KCMF1: variants seen among roughly 807,000 people sequenced by gnomAD.
KCMF1 encodes the protein potassium channel modulatory factor 1.
In KCMF1, 3 loss-of-function variants were observed where a neutral mutation model predicts 41.1. The ratio of observed to expected loss-of-function variants is 0.07; its 90% CI spans 0.03 to 0.19. The LOEUF is 0.19. Ranked by LOEUF, KCMF1 falls within the 10% of genes least tolerant of loss-of-function variation. The pLI is 1.00. For synonymous variants in KCMF1, 142 were observed against 164.5 expected, an observed-to-expected ratio of 0.86 and a Z score of 1.04; for missense variants, 286 against 488.9, an observed-to-expected ratio of 0.58 and a Z score of 3.91.
At chr2:85,020,796 G>A (rs1173268681) in intron 1 of KCMF1, among the ~76,000 whole-genome samples, 2 of 152,078 alleles carry the variant, frequency 1.3e-5, no homozygotes, top group Non-Finnish European at 2.9e-5. Flanking sequence ...ATCTTTTTTA[G>A]TAATACTTTC....
intron 3 of KCMF1, among the ~76,000 whole-genome samples, chr2:85,038,239 T>G (rs2104046083): frequency 6.6e-6 from 1 of 152,362 alleles, no homozygotes; most frequent in Non-Finnish European, 1.5e-5. Flanking sequence ...CACTTATAAT[T>G]GAACACTTAC....
intron 1 of KCMF1, among the ~76,000 whole-genome samples, chr2:85,021,515 G>A (rs1318723276): frequency 1.3e-5 from 2 of 151,898 alleles, no homozygotes; most frequent in African/African-American, 4.8e-5. Context: ...CCAGCTGCTC[G>A]GGAGGCTGAG....
chr2:84,972,534 T>C (rs945861458), intron 1 of KCMF1, among the ~76,000 whole-genome samples: 13 of 152,244 alleles, frequency 8.5e-5, no homozygotes, highest in Admixed American at 1.3e-4. Context: ...CTGCTAAGGT[T>C]AATACAAGAT....
chr2:84,982,389 CTTTTTTT>C (rs34687477), intron 1 of KCMF1, among the ~76,000 whole-genome samples: 75 of 47,242 alleles, frequency 1.6e-3, no homozygotes, highest in African/African-American at 5.1e-3. Context: ...TCCTTATTTT[CTTTTTTT>C]TTTTTTTTTT....
chr2:84,972,306 G>A (rs1673419409), intron 1 of KCMF1: 1 of 152,290 alleles, frequency 6.6e-6, no homozygotes, highest in African/African-American at 2.4e-5. Context: ...CACGATTGGA[G>A]TACAGTTGCA....
At chr2:84,975,242 CA>C (rs113939570) in intron 1 of KCMF1, among the ~76,000 whole-genome samples, 9 of 146,974 alleles carry the variant, frequency 6.1e-5, no homozygotes, top group South Asian at 2.2e-4. Flanking sequence ...AATCCATCTC[CA>C]AAAAAAAAAG....
At chr2:85,024,103 C>T (rs1675023326) in intron 1 of KCMF1, among the ~76,000 whole-genome samples, 1 of 152,176 alleles carries the variant, frequency 6.6e-6, no homozygotes, top group South Asian at 2.1e-4. Context: ...TTCTGAATAC[C>T]AAACTTTTGT....
At chr2:85,032,229 T>C (rs1675294089) in intron 2 of KCMF1, among the ~76,000 whole-genome samples, 1 of 152,154 alleles carries the variant, frequency 6.6e-6, no homozygotes, top group Non-Finnish European at 1.5e-5. Context: ...TGGAGTGCAG[T>C]GGTGCAGTCT....
At chr2:85,025,476 A>G (rs76483339) in intron 1 of KCMF1, among the ~76,000 whole-genome samples, 2,335 of 152,234 alleles carry the variant, frequency 0.015, 30 homozygotes, top group South Asian at 0.063. Context: ...GAATTCTTCC[A>G]TTATCCCAAA....
At chr2:85,036,141 A>G (rs535386383) in intron 3 of KCMF1, among the ~76,000 whole-genome samples, 1 of 152,168 alleles carries the variant, frequency 6.6e-6, no homozygotes, top group Non-Finnish European at 1.5e-5. Flanking sequence ...TGCTAGTTTG[A>G]TGTTTGAAGT....
chr2:85,008,291 T>TATATATAATATATATATATC (rs1674533313), intron 1 of KCMF1, among the ~76,000 whole-genome samples: 1 of 14,624 alleles, frequency 6.8e-5, no homozygotes, highest in African/African-American at 1.5e-4. Context: ...TGATATATAA[T>TATATATAATATATATATATC]ATATATAATA....
rs1675859545 is a variant in KCMF1, at chr2:85,053,602, A to G, written c.*193A>G. 1.5e-6 allele frequency: 1 copy of G among 645,826 alleles called. No individual in the cohort carries two copies. Among genetic ancestry groups the G allele is most frequent in the Admixed American group, 3.1e-5 (1 of 32,618 alleles). 40.0% of individuals were successfully genotyped at this position (645,826 alleles called of 1,614,324 possible). On this transcript the variant is annotated 3_prime_UTR_variant, in exon 7 of 7. Coordinates refer to ENST00000409785, the MANE Select transcript of KCMF1 (RefSeq NM_020122.5). ...TAACTAATTTTTACTTCTAGCAGGT[A>G]AATGTAGGTAGCAGTGCAGGGGTGA... is the stretch of plus-strand genomic sequence containing the variant.
chr2:85,056,064 C>T lies in KCMF1; in HGVS notation c.*2655C>T, dbSNP rs1675920630. 6.6e-6 allele frequency: 1 copy of T among 151,666 alleles called. No homozygotes were observed. The highest frequency in any genetic ancestry group is 2.4e-5 in the African/African-American group (1 of 41,236). The allele number at this position is 151,666 out of a possible 1,614,324, so 9.4% of individuals were successfully genotyped here. A position where few individuals can be genotyped will look rare whatever the true frequency, so the allele number is the denominator to read the frequency against. On this transcript the variant is annotated 3_prime_UTR_variant, in exon 7 of 7. Transcript: ENST00000409785. ...TGGCTGCAATCATAAGACAGAATTT[C>T]TGTGGTTGGCTACCGTGAAATCTTT...
chr2:84,993,054 G>T (rs990547996), intron 1 of KCMF1, among the ~76,000 whole-genome samples: 3 of 152,004 alleles, frequency 2.0e-5, no homozygotes, highest in Non-Finnish European at 4.4e-5. Context: ...GGGCATGGTG[G>T]CACATGCCTG....
At chr2:84,998,114 G>A (rs551743361) in intron 1 of KCMF1, among the ~76,000 whole-genome samples, 6 of 151,172 alleles carry the variant, frequency 4.0e-5, no homozygotes, top group Admixed American at 6.6e-5. Flanking sequence ...TTTTTGAGAC[G>A]GAGTTTCTCT....
At position 85,035,082 on chromosome 2, in the gene KCMF1, G is replaced by C; in HGVS notation, c.251G>C (p.Gly84Ala). 1 of 1,613,288 alleles carries C rather than the reference G, an allele frequency of 6.2e-7. No homozygotes were observed. The highest frequency in any genetic ancestry group is 1.3e-5 in the African/African-American group (1 of 75,012). ...QPQSFTCPYC[G>A]KMGYTETSLQ... ...CAGTCTTTTACTTGTCCCTATTGTGGAAAAATGGGCTATACGGAGACATCT... is the reference window on the plus strand; with the variant it reads ...CAGTCTTTTACTTGTCCCTATTGTGCAAAAATGGGCTATACGGAGACATCT... The change falls in exon 3 of 7, where the codon GGA becomes GCA. Residue 84 changes from glycine to alanine, a missense_variant. By Grantham distance (60) the Gly-to-Ala change is moderately conservative. Coordinates refer to ENST00000409785, the MANE Select transcript of KCMF1 (RefSeq NM_020122.5).
intron 1 of KCMF1, among the ~76,000 whole-genome samples, chr2:84,977,544 C>T (rs1031628207): frequency 5.9e-5 from 9 of 151,896 alleles, no homozygotes; most frequent in Admixed American, 4.6e-4. Context: ...CTTCAGCCTC[C>T]ATAGCAGGTC....
In KCMF1 at chr2:84,971,281, G is replaced by C. The variant is rs1461284328; in HGVS notation, c.-171G>C. On this transcript the variant is annotated 5_prime_UTR_variant, in exon 1 of 7. Transcript: ENST00000409785. ...CATTCCCGCCCCGCGCCGCCTCCCC[G>C]CCGCCGCCGCCGCCGCCGCCGCGGG... 5.9e-5 allele frequency: 9 copies of C among 153,086 alleles called. No individual in the cohort carries two copies. The highest frequency in any genetic ancestry group is 1.1e-4 in the Non-Finnish European group (8 of 72,924). The allele number at this position is 153,086 out of a possible 1,614,324, so 9.5% of individuals were successfully genotyped here. A position where few individuals can be genotyped will look rare whatever the true frequency, so the allele number is the denominator to read the frequency against.
chr2:85,052,114 A>T (rs770402166), intron 6 of KCMF1, among the ~76,000 whole-genome samples: 1 of 152,158 alleles, frequency 6.6e-6, no homozygotes, highest in Non-Finnish European at 1.5e-5. Flanking sequence ...TTGTTGCCCA[A>T]GCTGGAGTGC....
Sources: allele counts gnomAD v4.1 joint callset (sites outside exome capture counted in the v4.1 genomes callset), GRCh38; gene constraint gnomAD v4.1.1; transcripts MANE v1.5; gene names NCBI Gene and HGNC (gene_info 2026-07-23, HGNC 2026-07-21).